KCNIP4: variants seen among roughly 807,000 people sequenced by gnomAD.
KCNIP4 encodes the protein Kv channel-interacting protein 4.
KCNIP4 carries 12 observed loss-of-function variants against 34.0 expected under a neutral mutation model. That is an observed-to-expected ratio of 0.35 (90% CI 0.23 to 0.57). The LOEUF is 0.57. KCNIP4 is among the 20% of genes least tolerant of loss of function. The pLI is 0.83. For synonymous variants in KCNIP4, 124 were observed against 102.2 expected (o/e 1.21, Z -1.29); for missense variants, 238 against 311.7 (o/e 0.76, Z 1.78).
chr4:21,205,408 A>T (rs1577885560), intron 1 of KCNIP4, among the ~76,000 whole-genome samples: 4 of 152,206 alleles, frequency 2.6e-5, no homozygotes, highest in East Asian at 1.9e-4. Flanking sequence ...AAAAGCCAAG[A>T]TGATAATTCT....
chr4:20,825,225 GTTTTTTTTTTTTT>G (rs71181592), intron 3 of KCNIP4, among the ~76,000 whole-genome samples: 1 of 113,636 alleles, frequency 8.8e-6, no homozygotes, highest in Non-Finnish European at 1.7e-5. Context: ...TCAATTTTAC[GTTTTTTTTTTTTT>G]TTTTTTTTTT....
chr4:21,672,120 C>T (rs555869493), intron 1 of KCNIP4, among the ~76,000 whole-genome samples: 92 of 152,150 alleles, frequency 6.0e-4, no homozygotes, highest in Non-Finnish European at 8.5e-4. Flanking sequence ...CATCACACAC[C>T]GGGGCCTGTC....
intron 1 of KCNIP4, among the ~76,000 whole-genome samples, chr4:21,237,333 C>T (rs1049540011): frequency 6.6e-6 from 1 of 152,012 alleles, no homozygotes; most frequent in Non-Finnish European, 1.5e-5. Context: ...CATATATAAA[C>T]GAGTTCAGGC....
intron 1 of KCNIP4, among the ~76,000 whole-genome samples, chr4:21,212,757 G>T (rs1757310375): frequency 6.6e-6 from 1 of 152,126 alleles, no homozygotes; most frequent in Non-Finnish European, 1.5e-5. Flanking sequence ...TCCCATTCAT[G>T]AGGACTCCAC....
intron 1 of KCNIP4, among the ~76,000 whole-genome samples, chr4:21,187,047 T>C (rs1755285054): frequency 6.6e-6 from 1 of 152,240 alleles, no homozygotes; most frequent in African/African-American, 2.4e-5. Context: ...ACTCCATATG[T>C]TTGGCTTAAG....
At chr4:21,868,359 T>C (rs1725556663) in intron 1 of KCNIP4, among the ~76,000 whole-genome samples, 2 of 152,180 alleles carry the variant, frequency 1.3e-5, no homozygotes, top group South Asian at 2.1e-4. Context: ...CCCATAAATA[T>C]GTACAACTTT....
At chr4:21,538,071 T>C (rs972445733) in intron 1 of KCNIP4, among the ~76,000 whole-genome samples, 2 of 104,324 alleles carry the variant, frequency 1.9e-5, no homozygotes, top group African/African-American at 7.5e-5. Context: ...GAGATACAGA[T>C]AATGAAAAGA....
intron 1 of KCNIP4, among the ~76,000 whole-genome samples, chr4:21,808,642 C>G (rs1721442976): frequency 6.6e-6 from 1 of 152,154 alleles, no homozygotes; most frequent in Admixed American, 6.5e-5. Flanking sequence ...ATTGGCACCA[C>G]TAACTCCTAC....
intron 1 of KCNIP4, chr4:21,581,974 T>C (rs1358519434): frequency 7.6e-6 from 1 of 131,290 alleles, no homozygotes. Flanking sequence ...ACATAGGGCA[T>C]AGAAAGATAG....
chr4:20,743,069 A>G (rs1751552829), intron 5 of KCNIP4, among the ~76,000 whole-genome samples: 1 of 151,892 alleles, frequency 6.6e-6, no homozygotes, highest in Non-Finnish European at 1.5e-5. Context: ...GGACCCTTAT[A>G]AGTTCACCCT....
At chr4:20,894,311 G>A (rs11943417) in intron 1 of KCNIP4, among the ~76,000 whole-genome samples, 4 of 152,122 alleles carry the variant, frequency 2.6e-5, no homozygotes, top group African/African-American at 9.7e-5. Context: ...CAAATAAATT[G>A]ATTCTTAATA....
At chr4:21,548,831 T>C (rs2109012163) in intron 1 of KCNIP4, among the ~76,000 whole-genome samples, 1 of 152,100 alleles carries the variant, frequency 6.6e-6, no homozygotes, top group Middle Eastern at 3.4e-3. Flanking sequence ...TAAATTATAA[T>C]TTAAGCATTC....
intron 1 of KCNIP4, among the ~76,000 whole-genome samples, chr4:21,556,743 A>G (rs1255166805): frequency 6.6e-6 from 1 of 151,846 alleles, no homozygotes; most frequent in Admixed American, 6.6e-5. Flanking sequence ...CAACATGGTG[A>G]AACCCCATCT....
intron 1 of KCNIP4, among the ~76,000 whole-genome samples, chr4:21,341,653 T>C (rs910747785): frequency 1.3e-5 from 2 of 152,170 alleles, no homozygotes; most frequent in African/African-American, 4.8e-5. Flanking sequence ...TATCTCCTTC[T>C]TGAAACACTT....
chr4:21,680,638 C>A (rs542189083), intron 1 of KCNIP4, among the ~76,000 whole-genome samples: 173 of 152,312 alleles, frequency 1.1e-3, no homozygotes, highest in African/African-American at 3.7e-3. Context: ...CTGTTTGATC[C>A]ATGGGCTGCA....
intron 1 of KCNIP4, among the ~76,000 whole-genome samples, chr4:21,630,792 C>T (rs944105240): frequency 6.6e-6 from 1 of 152,162 alleles, no homozygotes; most frequent in Non-Finnish European, 1.5e-5. Flanking sequence ...CTCTAGACGC[C>T]CGCAAGAAAG....
intron 1 of KCNIP4, among the ~76,000 whole-genome samples, chr4:21,093,655 A>G (rs1577678539): frequency 1.3e-5 from 2 of 152,354 alleles, no homozygotes; most frequent in African/African-American, 2.4e-5. Context: ...TACAGATACT[A>G]TATGGGCTAA....
At chr4:20,905,401 A>T (rs985442088) in intron 1 of KCNIP4, among the ~76,000 whole-genome samples, 3 of 152,170 alleles carry the variant, frequency 2.0e-5, no homozygotes, top group Admixed American at 2.0e-4. Flanking sequence ...AGATTGGTTT[A>T]GACTGAAAGA....
chr4:21,603,084 T>C (rs1743331605), intron 1 of KCNIP4, among the ~76,000 whole-genome samples: 1 of 152,212 alleles, frequency 6.6e-6, no homozygotes, highest in African/African-American at 2.4e-5. Context: ...ACAAGACTCA[T>C]GATTATTTCT....
Sources: allele counts gnomAD v4.1 joint callset (sites outside exome capture counted in the v4.1 genomes callset), GRCh38; gene constraint gnomAD v4.1.1; transcripts MANE v1.5; gene names NCBI Gene and HGNC (gene_info 2026-07-23, HGNC 2026-07-21).